The following PHF8 variants were observed in gnomAD, a reference collection of about 807,000 sequenced individuals.
PHF8 encodes histone lysine demethylase PHF8.
PHF8 carries 9 observed loss-of-function variants against 74.4 expected under a neutral mutation model. The ratio of observed to expected loss-of-function variants is 0.12; its 90% confidence interval spans 0.07 to 0.21. The LOEUF is 0.21. PHF8 is among the 10% of genes least tolerant of loss of function. The probability of loss-of-function intolerance (pLI) is 1.00; values close to 1 mark genes in which losing one functional copy is unlikely to be tolerated. For missense variants in PHF8, 478 were observed against 816.6 expected, an observed-to-expected ratio of 0.59 and a Z score of 5.05; for synonymous variants, 311 against 316.6, an observed-to-expected ratio of 0.98 and a Z score of 0.19.
At chrX:54,025,745 G>A (rs1373779333) in intron 2 of PHF8, among the ~76,000 whole-genome samples, 4 of 111,300 alleles carry the variant, frequency 3.6e-5, no homozygotes, top group Admixed American at 9.6e-5. Context: ...CTCATACATC[G>A]CCCTCTCTGA....
intron 13 of PHF8, 78 bp downstream of exon 13, chrX:53,993,523 G>T: frequency 1.1e-6 from 1 of 891,342 alleles, no homozygotes; most frequent in South Asian, 2.0e-5. Context: ...AGCCAGACAG[G>T]ATAGCCTGCT....
At chrX:53,939,379 G>T in intron 21 of PHF8, 133 bp from the exon 22 acceptor site, 1 of 490,548 alleles carries the variant, frequency 2.0e-6, no homozygotes, top group Non-Finnish European at 3.4e-6. Context: ...AGACCATATT[G>T]GGCAGGAAGC....
intron 14 of PHF8, among the ~76,000 whole-genome samples, chrX:53,989,413 A>G (rs1647766343): frequency 9.0e-6 from 1 of 111,660 alleles, no homozygotes; most frequent in African/African-American, 3.3e-5. Flanking sequence ...GCCTTTGTCC[A>G]GAACTCAAAA....
At chrX:53,951,919 A>G (rs781827679) in intron 19 of PHF8, among the ~76,000 whole-genome samples, 1 of 111,868 alleles carries the variant, frequency 8.9e-6, no homozygotes, top group African/African-American at 3.2e-5. Flanking sequence ...ACTATCCTTC[A>G]AAAATGAAGA....
intron 18 of PHF8, among the ~76,000 whole-genome samples, chrX:53,963,254 C>T (rs2065130590): frequency 8.9e-6 from 1 of 111,799 alleles, no homozygotes; most frequent in Non-Finnish European, 1.9e-5. Flanking sequence ...CACAAGAACT[C>T]TTCCCTCCCT....
intron 2 of PHF8, chrX:54,039,531 C>T (rs1482539275): frequency 8.9e-6 from 1 of 112,345 alleles, no homozygotes; most frequent in Non-Finnish European, 1.9e-5. Flanking sequence ...AAAGAGGGGC[C>T]TGGCCCATAA....
chrX:53,993,070 G>A, intron 13 of PHF8: 1 of 405,283 alleles, frequency 2.5e-6, no homozygotes, highest in South Asian at 3.4e-5. Flanking sequence ...CCTTAAAAAA[G>A]AGGGGGCACA....
intron 8 of PHF8, 37 bp from the exon 9 acceptor site, chrX:54,002,719 G>C (rs1156666348): frequency 1.1e-6 from 1 of 932,489 alleles, no homozygotes; most frequent in South Asian, 2.0e-5. Context: ...GCTGGAAGAG[G>C]GCCTTTCTTC....
rs782076558 is a variant in PHF8, at chrX:54,019,862, TC to T, written c.294-2042del. Reference sequence around the variant, plus strand: ...CAGCAGGATTTCACGATTTATTTTATCAGAAAGGCAAAAAAAAAATTGATAA... The same window carrying T: ...CAGCAGGATTTCACGATTTATTTTATAGAAAGGCAAAAAAAAAATTGATAA... On this transcript the variant is annotated intron_variant, in intron 4 of 21. Transcript: ENST00000338154. Among the ~76,000 whole-genome samples, 324 of 104,494 alleles carry T rather than the reference TC, an allele frequency of 3.1e-3. 3 individuals are homozygous for T. Among genetic ancestry groups the T allele is most frequent in the Middle Eastern group, 5.1e-3 (1 of 195 alleles). The allele number at this position is 104,494 out of a possible 115,157, so 90.7% of individuals were successfully genotyped here.
intron 14 of PHF8, among the ~76,000 whole-genome samples, chrX:53,989,385 C>T (rs2065623559): frequency 8.9e-6 from 1 of 111,762 alleles, no homozygotes; most frequent in South Asian, 3.7e-4. Context: ...CTCATGATTG[C>T]TGGTTGAAAT....
At chrX:54,045,027 G>C (rs1717196328), upstream of PHF8, 1 of 583,447 alleles carries the variant, frequency 1.7e-6, no homozygotes, top group South Asian at 2.8e-5. Context: ...TCCCGGAGCA[G>C]GGACGTTGAA....
At chrX:53,997,804 T>C (rs934594740) in intron 11 of PHF8, among the ~76,000 whole-genome samples, 11 of 111,448 alleles carry the variant, frequency 9.9e-5, no homozygotes, top group African/African-American at 3.6e-4. Context: ...AAACCCAAGG[T>C]AGCCACACCT....
intron 2 of PHF8, among the ~76,000 whole-genome samples, chrX:54,034,150 G>C (rs782094678): frequency 3.6e-5 from 4 of 111,172 alleles, no homozygotes; most frequent in Non-Finnish European, 5.7e-5. Context: ...ACAACAGAAA[G>C]AAAACAGATT....
rs1557082251 is a variant in PHF8 at position 53,937,940 on chromosome X, A to C, written c.*1218T>G. On this transcript the variant is annotated 3_prime_UTR_variant, in exon 22 of 22. Transcript: ENST00000338154. Reference sequence around the variant, plus strand: ...GACAATGGAGACAATCCACGAAGGAAGGACAGGGGAAGGGGAGGATCGGAT... The same window carrying C: ...GACAATGGAGACAATCCACGAAGGACGGACAGGGGAAGGGGAGGATCGGAT... The C allele has an allele frequency of 1.9e-6, 2 of 1,077,017 alleles. No individual in the cohort carries two copies. Among genetic ancestry groups the C allele is most frequent in the Non-Finnish European group, 2.5e-6 (2 of 794,343 alleles). 88.8% of individuals were successfully genotyped at this position (1,077,017 alleles called of 1,213,427 possible).
At chrX:54,036,480 G>A (rs1395642837) in intron 2 of PHF8, among the ~76,000 whole-genome samples, 2 of 102,283 alleles carry the variant, frequency 2.0e-5, no homozygotes, top group Admixed American at 2.2e-4. Flanking sequence ...GGCAGCAGGA[G>A]GATCACTTTA....
chrX:54,007,755 T>C (rs1172194309), intron 8 of PHF8, among the ~76,000 whole-genome samples: 2 of 112,044 alleles, frequency 1.8e-5, no homozygotes, highest in African/African-American at 3.2e-5. Context: ...GCAATAAGCA[T>C]TGGGGGAAGA....
At chrX:53,965,413 C>T (rs782776811) in intron 18 of PHF8, among the ~76,000 whole-genome samples, 5 of 112,993 alleles carry the variant, frequency 4.4e-5, no homozygotes, top group South Asian at 7.1e-4. Flanking sequence ...CAGATGCAGG[C>T]GGATCACTTG....
At chrX:54,022,126 T>C (rs2066188196) in intron 4 of PHF8, 133 bp downstream of exon 4, 3 of 491,122 alleles carry the variant, frequency 6.1e-6, no homozygotes, top group Non-Finnish European at 1.1e-5. Flanking sequence ...CAGAAGGAAT[T>C]TGCAGAGCCC....
Position 54,014,441 on chromosome X carries a change from C to T in PHF8, c.719G>A (p.Arg240Gln). Reference protein sequence around the residue: ...NVQKYCLMSVRDSYTDFHIDF... With the variant: ...NVQKYCLMSVQDSYTDFHIDF... ...AATGTGAAAGTCTGTATAGCTATCT[C>T]GCACACTCATGAGGCAGTACTTCTG... Residue 240 changes from arginine (R) to glutamine (Q), a missense_variant, in exon 7 of 22, where the codon CGA becomes CAA. Transcript: ENST00000338154. The T allele has an allele frequency of 8.3e-7, 1 of 1,206,223 alleles. No homozygotes were observed. The highest frequency in any genetic ancestry group is 1.1e-6 in the Non-Finnish European group (1 of 890,806).
Sources: allele counts gnomAD v4.1 joint callset (sites outside exome capture counted in the v4.1 genomes callset), GRCh38; gene constraint gnomAD v4.1.1; transcripts MANE v1.5; gene names NCBI Gene and HGNC (gene_info 2026-07-23, HGNC 2026-07-21).